Variants in BRAF observed in about 807,000 individuals in gnomAD.
The protein encoded by BRAF is serine/threonine-protein kinase B-raf.
In BRAF, 16 loss-of-function variants were observed where a neutral mutation model predicts 104.6. The ratio of observed to expected loss-of-function variants is 0.15; its 90% confidence interval spans 0.10 to 0.23. BRAF has a LOEUF of 0.23. Ranked by LOEUF, BRAF falls within the 10% of genes least tolerant of loss-of-function variation. The pLI, the probability that BRAF is intolerant of heterozygous loss-of-function variation, is 1.00. For missense variants in BRAF, 541 were observed against 937.3 expected (o/e 0.58, Z 5.52); for synonymous variants, 310 against 341.6 (o/e 0.91, Z 1.02).
At chr7:140,854,889 G>A (rs1386817860) in intron 1 of BRAF, among the ~76,000 whole-genome samples, 8 of 152,170 alleles carry the variant, frequency 5.3e-5, no homozygotes, top group African/African-American at 1.9e-4. Flanking sequence ...AGGTTGCAGT[G>A]AGCCGAGACT....
intron 1 of BRAF, among the ~76,000 whole-genome samples, chr7:140,917,875 T>G (rs1410662196): frequency 6.6e-6 from 1 of 152,230 alleles, no homozygotes; most frequent in Non-Finnish European, 1.5e-5. Flanking sequence ...TTCAGTGTCC[T>G]GAAAATGACT....
At chr7:140,921,929 G>A (rs1818269580) in intron 1 of BRAF, among the ~76,000 whole-genome samples, 1 of 152,090 alleles carries the variant, frequency 6.6e-6, no homozygotes. Context: ...TTAAGTGAAT[G>A]TAAGGAAGAC....
At chr7:140,752,658 C>CTGTT (rs1326870452) in intron 16 of BRAF, among the ~76,000 whole-genome samples, 10 of 152,194 alleles carry the variant, frequency 6.6e-5, no homozygotes, top group Non-Finnish European at 1.5e-5. Context: ...CAGCACAAGG[C>CTGTT]TGTTAATCTA....
chr7:140,901,399 C>A (rs532839919), intron 1 of BRAF, among the ~76,000 whole-genome samples: 2 of 152,242 alleles, frequency 1.3e-5, no homozygotes, highest in East Asian at 3.9e-4. Context: ...TACCATAGAG[C>A]ATTAAAAATT....
chr7:140,808,756 C>T, intron 4 of BRAF, 136 bp downstream of exon 4: 1 of 721,342 alleles, frequency 1.4e-6, no homozygotes, highest in South Asian at 1.5e-5. Context: ...TTCAGGCTAA[C>T]TTAGTATTAT....
chr7:140,848,327 CCTCT>C (rs1241662243), intron 2 of BRAF, among the ~76,000 whole-genome samples: 1 of 152,162 alleles, frequency 6.6e-6, no homozygotes, highest in Non-Finnish European at 1.5e-5. Flanking sequence ...AGTTACTTAA[CCTCT>C]CTGTTTTTTC....
chr7:140,835,871 G>A (rs1440557645), intron 2 of BRAF: 1 of 152,192 alleles, frequency 6.6e-6, no homozygotes, highest in Non-Finnish European at 1.5e-5. Context: ...ATGAAAGAGA[G>A]AAGCAAATAT....
chr7:140,923,935 G>A (rs1191519062), intron 1 of BRAF, among the ~76,000 whole-genome samples: 2 of 152,144 alleles, frequency 1.3e-5, no homozygotes, highest in African/African-American at 4.8e-5. Flanking sequence ...AGGAACAGAG[G>A]ACCAGAGACC....
In BRAF at chr7:140,807,901, T is replaced by C. The variant is rs900047198; in HGVS notation, c.711+59A>G. On this transcript the variant is annotated intron_variant, in intron 5 of 19. Coordinates refer to ENST00000644969, the MANE Select transcript of BRAF (RefSeq NM_001374258.1). ...ATATTTCACATTCCCTAAATAAAAA[T>C]TCATTCATTAAAATCTAAACATTTT... The C allele has an allele frequency of 2.9e-6, 4 of 1,371,324 alleles. No individual in the cohort carries two copies. In the African/African-American group the frequency reaches 5.8e-5, roughly 20 times the overall value. The allele number at this position is 1,371,324 out of a possible 1,614,324, so 84.9% of individuals were successfully genotyped here.
At chr7:140,863,489 A>G (rs961830885) in intron 1 of BRAF, among the ~76,000 whole-genome samples, 18 of 152,322 alleles carry the variant, frequency 1.2e-4, no homozygotes, top group African/African-American at 4.1e-4. Context: ...AGTTTCAAAA[A>G]CAGGTATGTG....
At chr7:140,783,443 A>C in intron 10 of BRAF, 1 of 296,504 alleles carries the variant, frequency 3.4e-6, no homozygotes, top group Non-Finnish European at 6.2e-6. Flanking sequence ...AATCTCTCTA[A>C]AACAAGACAG....
chr7:140,726,246 G>GGACT lies in BRAF; in HGVS notation c.*244_*247dup. On this transcript the variant is annotated 3_prime_UTR_variant, in exon 20 of 20. Coordinates refer to ENST00000644969, the MANE Select transcript of BRAF (RefSeq NM_001374258.1). ...TCAGGGTCTCTCCTCTTTCTTCCTG[G>GGACT]GACTGGGCAGACTTGTATGCTCGTG... The GGACT allele has an allele frequency of 7.4e-7, 1 of 1,346,702 alleles. No homozygotes were observed. The highest frequency in any genetic ancestry group is 1.9e-5 in the South Asian group (1 of 51,608). 83.4% of individuals were successfully genotyped at this position (1,346,702 alleles called of 1,614,324 possible).
chr7:140,834,707 A>C lies in BRAF; in HGVS notation c.406T>G (p.Ser136Ala), dbSNP rs138086018. The change falls in exon 3 of 20, where the codon TCA becomes GCA. Residue 136 changes from serine to alanine, a missense_variant. Ser to Ala is a moderately conservative substitution (Grantham distance 99). Transcript: ENST00000644969. Reference sequence around the variant, plus strand: ...ACATCTGTGGGATTTTGAAAAACTGAAAGAGATGAAGGTAGCACTGAAAGG... The same window carrying C: ...ACATCTGTGGGATTTTGAAAAACTGCAAGAGATGAAGGTAGCACTGAAAGG... ...SSLSVLPSSL[S>A]VFQNPTDVAR... is the part of the protein sequence containing the mutation. The C allele has an allele frequency of 3.1e-6, 5 of 1,614,028 alleles. 1 individual carries two copies. The highest frequency in any genetic ancestry group is 2.5e-6 in the Non-Finnish European group (3 of 1,180,024).
chr7:140,796,987 ATCTCATCATT>A (rs1802556982), intron 7 of BRAF, among the ~76,000 whole-genome samples: 2 of 152,104 alleles, frequency 1.3e-5, no homozygotes, highest in African/African-American at 4.8e-5. Context: ...ATAACTCCCA[ATCTCATCATT>A]TCTGGGAATC....
chr7:140,834,846 T>G lies in BRAF; in HGVS notation c.267A>C (p.Leu89=). Reference sequence around the variant, plus strand: ...GTTGTTCTCTTTGTTGGAGTGCATCTAGCTTGCTGGTGTATTCTTCATAGG... The same window carrying G: ...GTTGTTCTCTTTGTTGGAGTGCATCGAGCTTGCTGGTGTATTCTTCATAGG... ...LEAYEEYTSK[L]DALQQREQQL... is the part of the protein sequence containing the mutation. Residue 89 remains leucine (L), a synonymous_variant, in exon 3 of 20, where the codon CTA becomes CTC. Coordinates refer to ENST00000644969, the MANE Select transcript of BRAF (RefSeq NM_001374258.1). The G allele has an allele frequency of 6.2e-7, 1 of 1,614,184 alleles. No homozygotes were observed. The highest frequency in any genetic ancestry group is 8.5e-7 in the Non-Finnish European group (1 of 1,179,992).
intron 5 of BRAF, among the ~76,000 whole-genome samples, chr7:140,805,252 C>T (rs1002767107): frequency 6.6e-6 from 1 of 152,156 alleles, no homozygotes; most frequent in Non-Finnish European, 1.5e-5. Flanking sequence ...ATTTTCTTCA[C>T]CTTTTTTCCT....
chr7:140,736,281 C>T (rs375439814), intron 18 of BRAF, among the ~76,000 whole-genome samples: 71 of 151,546 alleles, frequency 4.7e-4, no homozygotes, highest in African/African-American at 1.6e-3. Flanking sequence ...TTTGCCCAGG[C>T]TGGTCTCGAA....
intron 8 of BRAF, among the ~76,000 whole-genome samples, chr7:140,788,930 G>T (rs187578630): frequency 6.6e-6 from 1 of 151,680 alleles, no homozygotes; most frequent in African/African-American, 2.4e-5. Context: ...CTCTTTATGC[G>T]CCGGGTGCGG....
rs1586511594 is a variant in BRAF, at chr7:140,878,654, A to G, written c.139-28442T>C. 2.0e-5 allele frequency among the ~76,000 whole-genome samples: 3 copies of G among 152,230 alleles called. 1 individual carries two copies. Among genetic ancestry groups the G allele is most frequent in the African/African-American group, 4.8e-5 (2 of 41,456 alleles). On this transcript the variant is annotated intron_variant, in intron 1 of 19. Coordinates refer to ENST00000644969, the MANE Select transcript of BRAF (RefSeq NM_001374258.1). ...AATGGATACAAACATACAACTGGAC[A>G]GAAACAGTAAGTTCTAGTATTTCAC...
Sources: gnomAD v4.1 joint callset for allele counts (sites outside exome capture counted in the v4.1 genomes callset) on GRCh38, gnomAD v4.1.1 for gene constraint, MANE v1.5 for transcripts, NCBI Gene and HGNC (gene_info 2026-07-23, HGNC 2026-07-21) for gene names.